The following CHSY3 variants were observed in gnomAD, a reference collection of about 807,000 sequenced individuals.
CHSY3 encodes the protein chondroitin sulfate synthase 3.
Under a neutral mutation model 67.2 loss-of-function variants are expected in CHSY3, and 35 were observed. That is an observed-to-expected ratio of 0.52 (90% CI 0.40 to 0.69). The LOEUF is 0.69. Among genes scored for constraint, CHSY3 ranks in the 30% least tolerant of loss-of-function variants. CHSY3 has a pLI of 0.00. For missense variants in CHSY3, 1,069 were observed against 1,138.5 expected, an observed-to-expected ratio of 0.94 and a Z score of 0.88; for synonymous variants, 474 against 434.7, an observed-to-expected ratio of 1.09 and a Z score of -1.12.
At chr5:129,963,213 A>G (rs904190507) in intron 2 of CHSY3, among the ~76,000 whole-genome samples, 2 of 151,956 alleles carry the variant, frequency 1.3e-5, no homozygotes, top group South Asian at 2.1e-4. Context: ...AAAGTGGATA[A>G]TAGCTATTAC....
intron 2 of CHSY3, among the ~76,000 whole-genome samples, chr5:130,169,059 G>A (rs1239492028): frequency 1.3e-5 from 2 of 152,074 alleles, no homozygotes; most frequent in African/African-American, 4.8e-5. Context: ...GTTTGTTCAG[G>A]CAAAATTACT....
intron 2 of CHSY3, among the ~76,000 whole-genome samples, chr5:130,158,556 A>G (rs923202146): frequency 3.3e-5 from 5 of 152,188 alleles, no homozygotes; most frequent in Non-Finnish European, 7.3e-5. Flanking sequence ...ATGTGGGTCT[A>G]GACAAGATGT....
chr5:130,061,335 G>A (rs1029920724), intron 2 of CHSY3, among the ~76,000 whole-genome samples: 1 of 152,054 alleles, frequency 6.6e-6, no homozygotes, highest in Non-Finnish European at 1.5e-5. Context: ...TCAATAAATG[G>A]TGCTAGAAAA....
intron 2 of CHSY3, among the ~76,000 whole-genome samples, chr5:129,988,958 A>G (rs1193959307): frequency 1.3e-5 from 2 of 152,206 alleles, no homozygotes; most frequent in Non-Finnish European, 2.9e-5. Context: ...ACTGCTTCAC[A>G]TCTGGCATAT....
At chr5:130,027,924 A>G (rs1158601633) in intron 2 of CHSY3, among the ~76,000 whole-genome samples, 1 of 152,160 alleles carries the variant, frequency 6.6e-6, no homozygotes, top group Non-Finnish European at 1.5e-5. Flanking sequence ...TAGTGCTGCA[A>G]TAAACATATG....
intron 2 of CHSY3, among the ~76,000 whole-genome samples, chr5:129,970,041 T>A (rs1416037478): frequency 6.6e-6 from 1 of 151,840 alleles, no homozygotes; most frequent in African/African-American, 2.4e-5. Context: ...CCCCCAAATC[T>A]GCAAAGCTGC....
rs575099053 is a variant in CHSY3, at chr5:130,163,281, A to G, written c.1087-20948A>G. ...GAATGAAATGAAACATATTTTATTA[A>G]CCAAGAATAAAGCACATTTTATTCT... On this transcript the variant is annotated intron_variant, in intron 2 of 2. Transcript: ENST00000305031. Among the ~76,000 whole-genome samples the G allele has an allele frequency of 1.5e-3, 228 of 152,336 alleles. 1 individual carries two copies. The highest frequency in any genetic ancestry group is 5.2e-3 in the African/African-American group (217 of 41,584).
chr5:130,073,234 A>ATC (rs1766143575), intron 2 of CHSY3, among the ~76,000 whole-genome samples: 1 of 152,124 alleles, frequency 6.6e-6, no homozygotes, highest in Non-Finnish European at 1.5e-5. Flanking sequence ...GTATACATAG[A>ATC]TCAAAATGTC....
intron 2 of CHSY3, among the ~76,000 whole-genome samples, chr5:130,063,141 T>C (rs1765766437): frequency 6.6e-6 from 1 of 152,172 alleles, no homozygotes; most frequent in Non-Finnish European, 1.5e-5. Context: ...GAAGATAAAC[T>C]TTACAGTTTT....
intron 2 of CHSY3, chr5:130,001,750 G>A (rs1763733255): frequency 1.2e-6 from 1 of 837,442 alleles, no homozygotes; most frequent in Non-Finnish European, 1.4e-6. Context: ...ATAAAAATTG[G>A]CATCCCTTAT....
intron 2 of CHSY3, among the ~76,000 whole-genome samples, chr5:129,943,831 T>G (rs57477559): frequency 0.032 from 4,898 of 152,286 alleles, 263 homozygotes; most frequent in African/African-American, 0.11. Flanking sequence ...ACAGCTTTTT[T>G]GGATTAAATA....
At chr5:130,166,423 C>G (rs564339144) in intron 2 of CHSY3, among the ~76,000 whole-genome samples, 1 of 152,134 alleles carries the variant, frequency 6.6e-6, no homozygotes, top group East Asian at 1.9e-4. Context: ...TTTGTGGTGA[C>G]AACTTTATAC....
intron 2 of CHSY3, among the ~76,000 whole-genome samples, chr5:130,095,927 G>A (rs553667881): frequency 4.6e-5 from 7 of 152,296 alleles, no homozygotes; most frequent in Non-Finnish European, 8.8e-5. Flanking sequence ...GCGTGGTATC[G>A]TTCCAGATAA....
In CHSY3 at chr5:129,975,165, A is replaced by G. The variant is rs190969860; in HGVS notation, c.1086+66805A>G. ...TGGGTGCAGCACACCAACATGGCAC[A>G]TGTATACATACGTAACAAAACTGCA... On this transcript the variant is annotated intron_variant, in intron 2 of 2. Coordinates refer to ENST00000305031, the MANE Select transcript of CHSY3 (RefSeq NM_175856.5). Among the ~76,000 whole-genome samples the G allele has an allele frequency of 5.6e-3, 850 of 152,264 alleles. 2 individuals are homozygous for G. Among genetic ancestry groups the G allele is most frequent in the Non-Finnish European group, 8.5e-3 (578 of 68,012 alleles).
At chr5:130,016,343 A>C (rs528151763) in intron 2 of CHSY3, among the ~76,000 whole-genome samples, 1 of 152,246 alleles carries the variant, frequency 6.6e-6, no homozygotes, top group Non-Finnish European at 1.5e-5. Context: ...ATAAAGTAAT[A>C]TAACAGGGCT....
intron 2 of CHSY3, among the ~76,000 whole-genome samples, chr5:129,995,759 A>G (rs563756408): frequency 6.6e-6 from 1 of 152,120 alleles, no homozygotes; most frequent in East Asian, 1.9e-4. Flanking sequence ...GTTCCAAACC[A>G]TCTGTATACC....
chr5:130,154,206 C>T (rs543628990), intron 2 of CHSY3, among the ~76,000 whole-genome samples: 2 of 152,130 alleles, frequency 1.3e-5, no homozygotes, highest in South Asian at 2.1e-4. Flanking sequence ...CATGAGCCAC[C>T]GCGTCTGGCC....
chr5:130,034,297 G>T (rs930029729), intron 2 of CHSY3, among the ~76,000 whole-genome samples: 1 of 151,886 alleles, frequency 6.6e-6, no homozygotes, highest in Admixed American at 6.6e-5. Context: ...AATCTTGGAT[G>T]ATTCTCCTAT....
In CHSY3 at chr5:129,904,571, G is replaced by A; in HGVS notation, c.-259G>A. The A allele has an allele frequency of 7.0e-6, 3 of 427,676 alleles. No individual in the cohort carries two copies. Among genetic ancestry groups the A allele is most frequent in the Non-Finnish European group, 7.3e-6 (2 of 273,516 alleles). 26.5% of individuals were successfully genotyped at this position (427,676 alleles called of 1,614,324 possible). A position where few individuals can be genotyped will look rare whatever the true frequency, so the allele number is the denominator to read the frequency against. On this transcript the variant is annotated 5_prime_UTR_variant, in exon 1 of 3. Coordinates refer to ENST00000305031, the MANE Select transcript of CHSY3 (RefSeq NM_175856.5). ...CGCTGCTGCCGCCGCTGCCGCCACC[G>A]CCGCCGCCGGGAGAAGTTTCACTCC...
Sources: gnomAD v4.1 joint callset for allele counts (sites outside exome capture counted in the v4.1 genomes callset) on GRCh38, gnomAD v4.1.1 for gene constraint, MANE v1.5 for transcripts, NCBI Gene and HGNC (gene_info 2026-07-23, HGNC 2026-07-21) for gene names.